DARS1: variants seen among roughly 807,000 people sequenced by gnomAD.
The protein encoded by DARS1 is aspartyl-tRNA synthetase 1, also known as aspartate--tRNA ligase, cytoplasmic.
DARS1 carries 51 observed loss-of-function variants against 68.8 expected under a neutral mutation model. That is an observed-to-expected ratio of 0.74 (90% CI 0.59 to 0.94). DARS1 has a LOEUF of 0.94. Among genes scored for constraint, DARS1 ranks in the 40% least tolerant of loss-of-function variants. The pLI is 0.00. For missense variants in DARS1, 607 were observed against 597.3 expected, an observed-to-expected ratio of 1.02 and a Z score of -0.17; for synonymous variants, 203 against 190.4, an observed-to-expected ratio of 1.07 and a Z score of -0.55.
chr2:135,911,615 T>G, intron 13 of DARS1, 122 bp from the exon 14 acceptor site: 1 of 627,720 alleles, frequency 1.6e-6, no homozygotes, highest in Non-Finnish European at 2.8e-6. Context: ...AACAATGCAA[T>G]CTTGTTCTCT....
At chr2:135,928,866 T>C (rs907994156) in intron 7 of DARS1, among the ~76,000 whole-genome samples, 1 of 152,128 alleles carries the variant, frequency 6.6e-6, no homozygotes, top group Non-Finnish European at 1.5e-5. Context: ...CTTGAATTCC[T>C]GACCTCAAGT....
intron 5 of DARS1, chr2:135,943,124 C>T (rs1394041033): frequency 5.9e-6 from 2 of 338,614 alleles, no homozygotes; most frequent in Non-Finnish European, 5.3e-6. Flanking sequence ...TCAGTGAGCC[C>T]AGCCAATGTT....
intron 4 of DARS1, among the ~76,000 whole-genome samples, chr2:135,951,217 G>C (rs309120): frequency 0.25 from 37,576 of 152,092 alleles, 5,581 homozygotes; most frequent in Middle Eastern, 0.41. Flanking sequence ...CAATGGACTT[G>C]CCTTCTTCTT....
At chr2:135,979,816 A>G (rs1682581782) in intron 2 of DARS1, among the ~76,000 whole-genome samples, 1 of 152,244 alleles carries the variant, frequency 6.6e-6, no homozygotes, top group Non-Finnish European at 1.5e-5. Context: ...TACCTAAGTC[A>G]GCTAGTCTCT....
chr2:135,968,929 C>G (rs1196811879), intron 3 of DARS1, among the ~76,000 whole-genome samples: 1 of 152,028 alleles, frequency 6.6e-6, no homozygotes, highest in African/African-American at 2.4e-5. Flanking sequence ...CCTGAAGGTG[C>G]TGGGATTACA....
intron 4 of DARS1, among the ~76,000 whole-genome samples, chr2:135,949,340 T>C (rs1681795488): frequency 6.6e-6 from 1 of 152,100 alleles, no homozygotes; most frequent in Non-Finnish European, 1.5e-5. Flanking sequence ...AGGACTTCCT[T>C]TAAAAAAAAA....
At chr2:135,926,311 C>A (rs1575387883) in intron 7 of DARS1, among the ~76,000 whole-genome samples, 1 of 152,160 alleles carries the variant, frequency 6.6e-6, no homozygotes, top group African/African-American at 2.4e-5. Flanking sequence ...TCTTCACTTC[C>A]TGATTGTACA....
Position 135,965,019 on chromosome 2 carries a change from A to G in DARS1, c.218-3521T>C, listed in dbSNP as rs374346303. On this transcript the variant is annotated intron_variant, in intron 3 of 15. Transcript: ENST00000264161. ...TGAGCATATTGTTTTACAAAAACCTATATAGTATGTAAAAGTGTGCCAGTA... is the reference window on the plus strand; with the variant it reads ...TGAGCATATTGTTTTACAAAAACCTGTATAGTATGTAAAAGTGTGCCAGTA... Among the ~76,000 whole-genome samples, 22 of 152,228 alleles carry G rather than the reference A, an allele frequency of 1.4e-4. No individual in the cohort carries two copies. The South Asian group carries it at 2.1e-3, about 14-fold the overall frequency.
intron 3 of DARS1, among the ~76,000 whole-genome samples, chr2:135,964,611 T>C (rs1160067186): frequency 6.6e-6 from 1 of 151,902 alleles, no homozygotes; most frequent in African/African-American, 2.4e-5. Context: ...GAGGCCGAGG[T>C]GGGCGGATCA....
chr2:135,962,614 A>C (rs1682125134), intron 3 of DARS1, among the ~76,000 whole-genome samples: 1 of 152,262 alleles, frequency 6.6e-6, no homozygotes, highest in Non-Finnish European at 1.5e-5. Context: ...CAAAGTGTCA[A>C]CACAGACATA....
chr2:135,975,675 G>T (rs1682481244), intron 3 of DARS1, among the ~76,000 whole-genome samples: 1 of 148,608 alleles, frequency 6.7e-6, no homozygotes, highest in South Asian at 2.1e-4. Flanking sequence ...CATGCCTGTA[G>T]TCCTAGCTAA....
chr2:135,933,281 T>C (rs1047273262), intron 6 of DARS1, among the ~76,000 whole-genome samples: 3 of 152,250 alleles, frequency 2.0e-5, no homozygotes, highest in Non-Finnish European at 4.4e-5. Context: ...TCAAACTTAC[T>C]TTTTCATAAT....
At chr2:135,928,939 G>T (rs1681283623) in intron 7 of DARS1, among the ~76,000 whole-genome samples, 1 of 152,140 alleles carries the variant, frequency 6.6e-6, no homozygotes, top group Admixed American at 6.5e-5. Flanking sequence ...ATATCTGTGA[G>T]AAAGAATCCA....
chr2:135,977,164 C>T, intron 3 of DARS1, among the ~76,000 whole-genome samples: 1 of 152,162 alleles, frequency 6.6e-6, no homozygotes, highest in Non-Finnish European at 1.5e-5. Context: ...AAGGCTTACA[C>T]TGCACCAAGC....
At chr2:135,959,321 T>G (rs1209055897) in intron 4 of DARS1, among the ~76,000 whole-genome samples, 2 of 135,156 alleles carry the variant, frequency 1.5e-5, no homozygotes, top group Admixed American at 8.8e-5. Context: ...TTGAACCGGG[T>G]AGGAGGTTGC....
chr2:135,961,563 A>G, intron 3 of DARS1, 65 bp from the exon 4 acceptor site: 1 of 885,200 alleles, frequency 1.1e-6, no homozygotes, highest in South Asian at 1.3e-5. Context: ...ACAAAGAAGG[A>G]AAATGCTCTC....
In DARS1 at chr2:135,906,166, G is replaced by A. The variant is rs1357832146; in HGVS notation, c.*1150C>T. Among the ~76,000 whole-genome samples, 1 of 152,136 alleles carries A rather than the reference G, an allele frequency of 6.6e-6. No individual in the cohort carries two copies. Among genetic ancestry groups the A allele is most frequent in the Admixed American group, 6.5e-5 (1 of 15,290 alleles). ...CCCCTTTAACTTTCAAACATAATGG[G>A]CAGATGTTCGTGGTCCAGGGGTAAC... is the stretch of plus-strand genomic sequence containing the variant. On this transcript the variant is annotated 3_prime_UTR_variant, in exon 16 of 16. Coordinates refer to ENST00000264161, the MANE Select transcript of DARS1 (RefSeq NM_001349.4).
intron 7 of DARS1, among the ~76,000 whole-genome samples, chr2:135,929,553 G>A (rs963549713): frequency 6.6e-6 from 1 of 152,116 alleles, no homozygotes; most frequent in Non-Finnish European, 1.5e-5. Flanking sequence ...AGAAATCACT[G>A]TGTACCTTCA....
At chr2:135,984,707 G>A (rs188554376) in intron 1 of DARS1, among the ~76,000 whole-genome samples, 1 of 152,232 alleles carries the variant, frequency 6.6e-6, no homozygotes, top group Non-Finnish European at 1.5e-5. Flanking sequence ...GAAAAATTAG[G>A]GAGCCAGACG....
Sources: gnomAD v4.1 joint callset for allele counts (sites outside exome capture counted in the v4.1 genomes callset) on GRCh38, gnomAD v4.1.1 for gene constraint, MANE v1.5 for transcripts, NCBI Gene and HGNC (gene_info 2026-07-23, HGNC 2026-07-21) for gene names.